Variants in MACROD2 observed in about 807,000 individuals in gnomAD.
The protein encoded by MACROD2 is mono-ADP ribosylhydrolase 2.
A neutral mutation model predicts 70.4 loss-of-function variants in MACROD2; 36 were observed. The observed-to-expected ratio is 0.51, with a 90% CI of 0.39 to 0.68. The LOEUF is 0.68. MACROD2 is among the 30% of genes least tolerant of loss of function. The pLI, the probability that MACROD2 is intolerant of heterozygous loss-of-function variation, is 0.00. For synonymous variants in MACROD2, 172 were observed against 178.8 expected (o/e 0.96, Z 0.30); for missense variants, 496 against 538.4 (o/e 0.92, Z 0.78).
intron 6 of MACROD2, among the ~76,000 whole-genome samples, chr20:15,413,709 T>G (rs1032385620): frequency 2.0e-5 from 3 of 152,208 alleles, no homozygotes; most frequent in African/African-American, 7.2e-5. Context: ...GTGGGATTTT[T>G]TAAAGTTCAT....
chr20:14,301,324 A>G (rs1366314619), intron 3 of MACROD2, among the ~76,000 whole-genome samples: 1 of 152,236 alleles, frequency 6.6e-6, no homozygotes, highest in Non-Finnish European at 1.5e-5. Context: ...TAAAGAAAAA[A>G]TAAAAAATGA....
At chr20:14,275,314 A>C (rs919956413) in intron 3 of MACROD2, among the ~76,000 whole-genome samples, 29 of 152,212 alleles carry the variant, frequency 1.9e-4, no homozygotes, top group Admixed American at 5.2e-4. Context: ...CAGAGCCCTC[A>C]GAAATAACGT....
intron 3 of MACROD2, among the ~76,000 whole-genome samples, chr20:14,216,667 G>A (rs200021967): frequency 6.6e-4 from 100 of 152,038 alleles, no homozygotes; most frequent in East Asian, 4.2e-3. Context: ...TGTTTGTGTC[G>A]TCTATGATTT....
At chr20:14,498,019 G>T (rs1025234143) in intron 4 of MACROD2, among the ~76,000 whole-genome samples, 1 of 151,662 alleles carries the variant, frequency 6.6e-6, no homozygotes, top group Non-Finnish European at 1.5e-5. Context: ...GATGGACAAG[G>T]TTCAGTGCCT....
At chr20:16,044,219 C>T (rs74778223) in intron 16 of MACROD2, among the ~76,000 whole-genome samples, 25 of 152,154 alleles carry the variant, frequency 1.6e-4, no homozygotes, top group Non-Finnish European at 3.5e-4. Flanking sequence ...CAACGTGTCA[C>T]ACACTTTTAA....
chr20:15,485,199 A>G (rs565153441), intron 7 of MACROD2, among the ~76,000 whole-genome samples: 1 of 152,038 alleles, frequency 6.6e-6, no homozygotes, highest in East Asian at 1.9e-4. Flanking sequence ...GAGCCTAGGG[A>G]CAAAAATGAA....
chr20:15,316,328 G>C (rs1234061726), intron 6 of MACROD2, among the ~76,000 whole-genome samples: 1 of 146,154 alleles, frequency 6.8e-6, no homozygotes, highest in African/African-American at 2.6e-5. Context: ...AGATAAATGT[G>C]GGTTCAAAGC....
chr20:15,347,612 T>A (rs1396308902), intron 6 of MACROD2, among the ~76,000 whole-genome samples: 1 of 152,228 alleles, frequency 6.6e-6, no homozygotes, highest in Non-Finnish European at 1.5e-5. Flanking sequence ...TTCCTTCATG[T>A]AGTGGCATTC....
At chr20:15,403,627 C>G (rs1261292187) in intron 6 of MACROD2, among the ~76,000 whole-genome samples, 2 of 152,286 alleles carry the variant, frequency 1.3e-5, no homozygotes, top group East Asian at 3.9e-4. Flanking sequence ...CATTGTGTGT[C>G]ATGGTTCTGG....
At chr20:15,475,318 C>T (rs1292227469) in intron 7 of MACROD2, among the ~76,000 whole-genome samples, 1 of 152,160 alleles carries the variant, frequency 6.6e-6, no homozygotes, top group East Asian at 1.9e-4. Context: ...TACAAGGTAC[C>T]TCTTTGTTGC....
At position 15,214,524 on chromosome 20, in the gene MACROD2, A is replaced by C. The variant is rs574068684; in HGVS notation, c.419-15416A>C. 1.7e-4 allele frequency among the ~76,000 whole-genome samples: 26 copies of C among 152,316 alleles called. No individual in the cohort carries two copies. The South Asian group carries it at 5.4e-3, about 32-fold the overall frequency. On this transcript the variant is annotated intron_variant, in intron 5 of 17. Transcript: ENST00000684519. ...TCATCATAGCAAGATTCCATCTCTA[A>C]AAAAACAAAACAAAATGAAACAAAA...
chr20:14,040,100 T>C (rs1396566239), intron 2 of MACROD2, among the ~76,000 whole-genome samples: 1 of 152,106 alleles, frequency 6.6e-6, no homozygotes, highest in Non-Finnish European at 1.5e-5. Context: ...AGTACAGTCG[T>C]GTGTTGCCAA....
chr20:15,225,229 CTATCTT>C (rs1019137732), intron 5 of MACROD2, among the ~76,000 whole-genome samples: 1 of 152,072 alleles, frequency 6.6e-6, no homozygotes, highest in Non-Finnish European at 1.5e-5. Context: ...GAAATTATAT[CTATCTT>C]TTTCTTTAAG....
chr20:14,372,875 T>C (rs1239933318), intron 3 of MACROD2, among the ~76,000 whole-genome samples: 1 of 152,246 alleles, frequency 6.6e-6, no homozygotes, highest in East Asian at 1.9e-4. Flanking sequence ...GTCTTCTTTC[T>C]GGTCTCGCCT....
intron 5 of MACROD2, among the ~76,000 whole-genome samples, chr20:15,118,381 C>T (rs148710521): frequency 0.035 from 5,255 of 151,796 alleles, 145 homozygotes; most frequent in South Asian, 0.11. Context: ...TTAGTAGAGA[C>T]GGGGTTTCAC....
Position 15,085,858 on chromosome 20 carries a change from AACACACACACACACAAC to A in MACROD2, c.419-144066_419-144050del, listed in dbSNP as rs1333700465. The stretch of plus-strand genomic sequence containing the variant: ...GACCTTGCAGAATTTAAAGATGAAT[AACACACACACACACAAC>A]ACACACACACACACACACACACACA... On this transcript the variant is annotated intron_variant, in intron 5 of 17. Coordinates refer to ENST00000684519, the MANE Select transcript of MACROD2 (RefSeq NM_001351661.2). 1.1e-3 allele frequency among the ~76,000 whole-genome samples: 150 copies of A among 135,862 alleles called. 1 individual carries two copies. The highest frequency in any genetic ancestry group is 4.0e-3 in the African/African-American group (144 of 36,216). 89.1% of individuals were successfully genotyped at this position (135,862 alleles called of 152,430 possible).
chr20:15,753,179 A>G (rs797003549), intron 8 of MACROD2, among the ~76,000 whole-genome samples: 4 of 152,202 alleles, frequency 2.6e-5, no homozygotes, highest in African/African-American at 9.6e-5. Flanking sequence ...GATTTGTTAA[A>G]TGGGCACATT....
intron 17 of MACROD2, 89 bp downstream of exon 17, chr20:16,044,728 C>A: frequency 1.7e-6 from 2 of 1,198,316 alleles, no homozygotes; most frequent in Non-Finnish European, 2.5e-6. Context: ...CTTGGTTTTG[C>A]CAAGTCCCCA....
At chr20:15,623,495 A>C (rs1329127355) in intron 8 of MACROD2, among the ~76,000 whole-genome samples, 2 of 152,156 alleles carry the variant, frequency 1.3e-5, no homozygotes, top group Non-Finnish European at 2.9e-5. Context: ...GGATGGGGAG[A>C]GTAGCTGGAA....
Sources: gnomAD v4.1 joint callset for allele counts (sites outside exome capture counted in the v4.1 genomes callset) on GRCh38, gnomAD v4.1.1 for gene constraint, MANE v1.5 for transcripts, NCBI Gene and HGNC (gene_info 2026-07-23, HGNC 2026-07-21) for gene names.